KIF11: variants seen among roughly 807,000 people sequenced by gnomAD.
The protein encoded by KIF11 is kinesin family member 11.
Under a neutral mutation model 121.0 loss-of-function variants are expected in KIF11, and 9 were observed. That is an observed-to-expected ratio of 0.07 (90% CI 0.04 to 0.13). The LOEUF (loss-of-function observed/expected upper bound fraction) is 0.13. Ranked by LOEUF, KIF11 falls within the 10% of genes least tolerant of loss-of-function variation. KIF11 has a pLI of 1.00. For synonymous variants in KIF11, 408 were observed against 421.0 expected (o/e 0.97, Z 0.38); for missense variants, 846 against 1,217.5 (o/e 0.69, Z 4.54).
chr10:92,649,917 G>A lies in KIF11; in HGVS notation c.2853G>A (p.Leu951=). The change falls in exon 20 of 22, where the codon CTG becomes CTA. Residue 951 remains leucine (L), a synonymous_variant. Transcript: ENST00000260731. The part of the protein sequence containing the change: ...TEPREHLLDQ[L]KRKQPELLMM... Reference sequence around the variant, plus strand: ...CACGTGAACATCTCCTTGATCAGCTGAAAAGGAAACAGCCTGAGCTGTTAA... The same window carrying A: ...CACGTGAACATCTCCTTGATCAGCTAAAAAGGAAACAGCCTGAGCTGTTAA... 1 of 1,613,152 alleles carries A rather than the reference G, an allele frequency of 6.2e-7. No individual in the cohort carries two copies. The highest frequency in any genetic ancestry group is 8.5e-7 in the Non-Finnish European group (1 of 1,179,208).
At chr10:92,631,077 G>C (rs1011697587) in intron 12 of KIF11, among the ~76,000 whole-genome samples, 4 of 150,646 alleles carry the variant, frequency 2.7e-5, no homozygotes, top group African/African-American at 4.9e-5. Flanking sequence ...CTTGAGGTTA[G>C]GAGTTCGAGA....
chr10:92,593,957 G>C (rs941584167), intron 1 of KIF11, among the ~76,000 whole-genome samples: 2 of 152,176 alleles, frequency 1.3e-5, no homozygotes, highest in Non-Finnish European at 2.9e-5. Context: ...AGTTAAGCTA[G>C]TGTAAATTTC....
At chr10:92,629,357 T>A (rs1844710963) in intron 11 of KIF11, among the ~76,000 whole-genome samples, 1 of 152,142 alleles carries the variant, frequency 6.6e-6, no homozygotes, top group South Asian at 2.1e-4. Context: ...TATATCATGA[T>A]TTTTTACTAT....
Position 92,613,208 on chromosome 10 carries a change from A to C in KIF11, c.789+78A>C, listed in dbSNP as rs1324478674. On this transcript the variant is annotated intron_variant, in intron 7 of 21. Coordinates refer to ENST00000260731, the MANE Select transcript of KIF11 (RefSeq NM_004523.4). This position sits in a 1 kb window ranked among gnomAD's most constrained non-coding sequence, Gnocchi z 4.2. ...GCTTGAAATTTTGTCCTTGAGACAA[A>C]ATTTTTGTGGTCACTGGGTGATTAG... 3.2e-6 allele frequency: 4 copies of C among 1,245,730 alleles called. No homozygotes were observed. The highest frequency in any genetic ancestry group is 4.5e-6 in the Non-Finnish European group (4 of 886,396). 77.2% of individuals were successfully genotyped at this position (1,245,730 alleles called of 1,614,324 possible).
intron 1 of KIF11, among the ~76,000 whole-genome samples, chr10:92,597,583 T>C (rs1470457244): frequency 6.6e-6 from 1 of 152,038 alleles, no homozygotes; most frequent in Non-Finnish European, 1.5e-5. Flanking sequence ...TTTTTTTACC[T>C]TGATCTTGCA....
chr10:92,631,052 G>A lies in KIF11; in HGVS notation c.1494+688G>A, dbSNP rs185015011. On this transcript the variant is annotated intron_variant, in intron 12 of 21. Coordinates refer to ENST00000260731, the MANE Select transcript of KIF11 (RefSeq NM_004523.4). ...TGTAATCCCAGCACTTTGGGAGGCCGAGGTGGGTGGATTGCTTGAGGTTAG... is the reference window on the plus strand; with the variant it reads ...TGTAATCCCAGCACTTTGGGAGGCCAAGGTGGGTGGATTGCTTGAGGTTAG... Among the ~76,000 whole-genome samples, 500 of 150,500 alleles carry A rather than the reference G, an allele frequency of 3.3e-3. 2 individuals carry two copies. The highest frequency in any genetic ancestry group is 5.2e-3 in the Non-Finnish European group (348 of 67,540).
At chr10:92,653,447 A>G (rs1021147699) in intron 21 of KIF11, among the ~76,000 whole-genome samples, 4 of 152,204 alleles carry the variant, frequency 2.6e-5, no homozygotes, top group Admixed American at 6.5e-5. Flanking sequence ...CAGAAAATTA[A>G]TATTTCTTTC....
rs1456068812 is a variant in KIF11 at position 92,649,939 on chromosome 10, T to G, written c.2875T>G (p.Leu959Val). The part of the protein sequence containing the change: ...DQLKRKQPEL[L>V]MMLNCSENNK... Reference sequence around the variant, plus strand: ...GCTGAAAAGGAAACAGCCTGAGCTGTTAATGATGCTAAACTGTTCAGAAAA... The same window carrying G: ...GCTGAAAAGGAAACAGCCTGAGCTGGTAATGATGCTAAACTGTTCAGAAAA... Residue 959 changes from leucine (L) to valine (V), a missense_variant, in exon 20 of 22, where the codon TTA (leucine) becomes GTA (valine). This residue lies in a region of KIF11 where 492 missense variants were observed against 603.4 expected (regional missense o/e 0.82). Coordinates refer to ENST00000260731, the MANE Select transcript of KIF11 (RefSeq NM_004523.4). 3 of 1,613,556 alleles carry G rather than the reference T, an allele frequency of 1.9e-6. No individual in the cohort carries two copies. In the African/African-American group the frequency reaches 4.0e-5, roughly 22 times the overall value.
At chr10:92,648,010 G>A (rs1453023467) in intron 18 of KIF11, among the ~76,000 whole-genome samples, 1 of 151,684 alleles carries the variant, frequency 6.6e-6, no homozygotes, top group Non-Finnish European at 1.5e-5. Flanking sequence ...CTGGGAGGCT[G>A]AGGTGGGAGG....
chr10:92,632,255 C>T (rs1844746287), intron 12 of KIF11, among the ~76,000 whole-genome samples: 1 of 151,982 alleles, frequency 6.6e-6, no homozygotes, highest in Admixed American at 6.5e-5. Flanking sequence ...GCAACCTCCA[C>T]CTCCCAGGTT....
intron 8 of KIF11, among the ~76,000 whole-genome samples, chr10:92,614,929 A>G (rs1364323232): frequency 6.6e-6 from 1 of 152,042 alleles, no homozygotes; most frequent in East Asian, 1.9e-4. Flanking sequence ...TAGTACTACA[A>G]GTGTGAGCCA....
chr10:92,615,442 C>T (rs1200564058), intron 8 of KIF11, among the ~76,000 whole-genome samples: 7 of 151,660 alleles, frequency 4.6e-5, no homozygotes, highest in Non-Finnish European at 7.4e-5. Flanking sequence ...TGTCCAACTG[C>T]CCCTTCATTA....
Position 92,638,471 on chromosome 10 carries a change from T to C in KIF11, c.2160+926T>C, listed in dbSNP as rs142528611. On this transcript the variant is annotated intron_variant, in intron 16 of 21. Coordinates refer to ENST00000260731, the MANE Select transcript of KIF11 (RefSeq NM_004523.4). ...ACATAGGGTATTTCCCTTAAACCCG[T>C]TGAGAACTTTTTAGGTGTATATTCT... Among the ~76,000 whole-genome samples the C allele has an allele frequency of 2.5e-4, 38 of 152,290 alleles. No homozygotes were observed. The East Asian group carries it at 5.2e-3, about 21-fold the overall frequency.
At chr10:92,642,959 C>T (rs535407652) in intron 17 of KIF11, among the ~76,000 whole-genome samples, 3 of 152,186 alleles carry the variant, frequency 2.0e-5, no homozygotes, top group Non-Finnish European at 2.9e-5. Context: ...TGGCCCAGGC[C>T]GGAGTACAGT....
In KIF11 at chr10:92,648,247, C is replaced by T; in HGVS notation, c.2583C>T (p.Asp861=). The T allele has an allele frequency of 1.9e-6, 3 of 1,612,570 alleles. No individual in the cohort carries two copies. The highest frequency in any genetic ancestry group is 1.7e-6 in the Non-Finnish European group (2 of 1,179,218). The change falls in exon 19 of 22, where the codon GAC becomes GAT. Residue 861 remains aspartate, a synonymous_variant. Coordinates refer to ENST00000260731, the MANE Select transcript of KIF11 (RefSeq NM_004523.4). Reference sequence around the variant, plus strand: ...AATGTTGTGAGGCTTCAAGTTCAGACATCACTGAGAAATCAGATGGACGTA... The same window carrying T: ...AATGTTGTGAGGCTTCAAGTTCAGATATCACTGAGAAATCAGATGGACGTA... ...VSQCCEASSS[D]ITEKSDGRKA... is the part of the protein sequence containing the mutation.
intron 19 of KIF11, among the ~76,000 whole-genome samples, chr10:92,649,167 T>G (rs1844953858): frequency 6.6e-6 from 1 of 152,086 alleles, no homozygotes; most frequent in Non-Finnish European, 1.5e-5. Context: ...GGGATGGTGC[T>G]ACATAGAATG....
Position 92,654,311 on chromosome 10 carries a change from T to C in KIF11, c.*515T>C, listed in dbSNP as rs960249752. 6.6e-6 allele frequency: 1 copy of C among 152,394 alleles called. No individual in the cohort carries two copies. Among genetic ancestry groups the C allele is most frequent in the Non-Finnish European group, 1.5e-5 (1 of 68,154 alleles). 9.4% of individuals were successfully genotyped at this position (152,394 alleles called of 1,614,324 possible). ...ATTTGGGATTTGCAATGTAAATACG[T>C]ATTTCTAGTTTTCATATAAAGTAGT... On this transcript the variant is annotated 3_prime_UTR_variant, in exon 22 of 22. Transcript: ENST00000260731.
In KIF11 at chr10:92,650,412, A is replaced by G. The variant is rs199514422; in HGVS notation, c.2934A>G (p.Val978=). The change falls in exon 21 of 22, where the codon GTA becomes GTG. Residue 978 remains valine, a synonymous_variant. Transcript: ENST00000260731. ...GTTTCTTCTTTTAGGATGTGGATGTAGAAGAGGCAGTTCTGGGGCAGTATA... is the reference window on the plus strand; with the variant it reads ...GTTTCTTCTTTTAGGATGTGGATGTGGAAGAGGCAGTTCTGGGGCAGTATA... ...NKEETIPDVD[V]EEAVLGQYTE... is the part of the protein sequence containing the mutation. The G allele has an allele frequency of 2.7e-5, 44 of 1,604,258 alleles. No individual in the cohort carries two copies. The highest frequency in any genetic ancestry group is 1.3e-4 in the East Asian group (6 of 44,812).
chr10:92,621,319 G>A, intron 9 of KIF11, 66 bp from the exon 10 acceptor site: 1 of 857,070 alleles, frequency 1.2e-6, no homozygotes, highest in Non-Finnish European at 1.9e-6. Context: ...TTTATTTGTT[G>A]CATGTCCTTC....
Sources: allele counts gnomAD v4.1 joint callset (sites outside exome capture counted in the v4.1 genomes callset), GRCh38; gene constraint gnomAD v4.1.1; regional missense constraint gnomAD v4.1.1; non-coding constraint Gnocchi (gnomAD v3.1); transcripts MANE v1.5; gene names NCBI Gene and HGNC (gene_info 2026-07-23, HGNC 2026-07-21).